ZNF597: variants seen among roughly 807,000 people sequenced by gnomAD.
ZNF597 encodes the protein zinc finger protein 597.
A neutral mutation model predicts 7.3 loss-of-function variants in ZNF597; 5 were observed. The ratio of observed to expected loss-of-function variants is 0.68; its 90% CI spans 0.36 to 1.44. ZNF597 has a LOEUF of 1.44. ZNF597 is among the 40% of genes most tolerant of loss of function. ZNF597 has a pLI of 0.04. For synonymous variants in ZNF597, 209 were observed against 185.4 expected (o/e 1.13, Z -1.04); for missense variants, 585 against 517.9 (o/e 1.13, Z -1.26).
chr16:3,440,515 T>C (rs1488045985), intron 3 of ZNF597, among the ~76,000 whole-genome samples: 1 of 151,996 alleles, frequency 6.6e-6, no homozygotes, highest in African/African-American at 2.4e-5. Context: ...GCGGCTGTAG[T>C]CCCAGCTACT....
rs1171444362 is a variant in ZNF597 at position 3,435,620 on chromosome 16, C to T, written c.*804G>A. On this transcript the variant is annotated 3_prime_UTR_variant, in exon 4 of 4. Coordinates refer to ENST00000301744, the MANE Select transcript of ZNF597 (RefSeq NM_152457.3). ...AAATTACATAATATATCTAAAGTAG[C>T]TAGCATGCTCACTGAGAAACAATTA... The T allele has an allele frequency of 1.3e-5, 2 of 152,154 alleles. No individual in the cohort carries two copies. Among genetic ancestry groups the T allele is most frequent in the Non-Finnish European group, 2.9e-5 (2 of 68,044 alleles). The allele number at this position is 152,154 out of a possible 1,614,324, so 9.4% of individuals were successfully genotyped here.
chr16:3,436,440 ATG>A lies in ZNF597; in HGVS notation c.1257_1258del (p.Ile420LysfsTer7), dbSNP rs776028690. The A allele has an allele frequency of 6.2e-7, 1 of 1,612,376 alleles. No homozygotes were observed. The highest frequency in any genetic ancestry group is 8.5e-7 in the Non-Finnish European group (1 of 1,178,976). On this transcript the variant is annotated frameshift_variant, in exon 4 of 4. Coordinates refer to ENST00000301744, the MANE Select transcript of ZNF597 (RefSeq NM_152457.3). LOFTEE classifies it high-confidence loss of function. ...ATATTTACTTTACGTGGTGTTTTTT[ATG>A]TGAGTTCGCTTATGAGTAATGAGAT... is the stretch of plus-strand genomic sequence containing the variant.
intron 2 of ZNF597, 89 bp downstream of exon 2, chr16:3,443,032 C>A (rs1029472779): frequency 1.3e-6 from 2 of 1,526,292 alleles, no homozygotes; most frequent in African/African-American, 2.7e-5. Flanking sequence ...CCTACCACAA[C>A]AGGCATGCCC....
chr16:3,441,048 T>C (rs2034363028), intron 2 of ZNF597, 115 bp from the exon 3 acceptor site: 4 of 1,449,740 alleles, frequency 2.8e-6, no homozygotes, highest in Non-Finnish European at 3.7e-6. Flanking sequence ...AGGCTCGGTG[T>C]AAAAGGTTCT....
intron 2 of ZNF597, among the ~76,000 whole-genome samples, chr16:3,441,894 C>T (rs1265727560): frequency 1.3e-5 from 2 of 149,352 alleles, no homozygotes; most frequent in African/African-American, 5.0e-5. Flanking sequence ...CCAGGAGAAT[C>T]GTTTGAATCC....
Position 3,436,344 on chromosome 16 carries a change from CT to C in ZNF597, c.*79del. 7.3e-7 allele frequency: 1 copy of C among 1,365,410 alleles called. No individual in the cohort carries two copies. Among genetic ancestry groups the C allele is most frequent in the Non-Finnish European group, 1.0e-6 (1 of 997,460 alleles). 84.6% of individuals were successfully genotyped at this position (1,365,410 alleles called of 1,614,324 possible). A position where few individuals can be genotyped will look rare whatever the true frequency, so the allele number is the denominator to read the frequency against. ...GTGTGTAAAGTGCTTAGCACATTGC[CT>C]GGGACATATACAGTAACTGCTTCCC... On this transcript the variant is annotated 3_prime_UTR_variant, in exon 4 of 4. Coordinates refer to ENST00000301744, the MANE Select transcript of ZNF597 (RefSeq NM_152457.3).
chr16:3,435,894 G>T lies in ZNF597; in HGVS notation c.*530C>A, dbSNP rs1357380008. On this transcript the variant is annotated 3_prime_UTR_variant, in exon 4 of 4. Coordinates refer to ENST00000301744, the MANE Select transcript of ZNF597 (RefSeq NM_152457.3). ...AATATAAACTAGTCTACCCATTTGG[G>T]AACTTTTACAGGGCAGAAAAAAACT... The T allele has an allele frequency of 6.5e-6, 1 of 153,472 alleles. No individual in the cohort carries two copies. The highest frequency in any genetic ancestry group is 2.4e-5 in the African/African-American group (1 of 41,430). 9.5% of individuals were successfully genotyped at this position (153,472 alleles called of 1,614,324 possible). A position where few individuals can be genotyped will look rare whatever the true frequency, so the allele number is the denominator to read the frequency against.
chr16:3,440,795 C>T lies in ZNF597; in HGVS notation c.160+12G>A. The T allele has an allele frequency of 6.2e-7, 1 of 1,612,272 alleles. No homozygotes were observed. Among genetic ancestry groups the T allele is most frequent in the Non-Finnish European group, 8.5e-7 (1 of 1,179,316 alleles). ...ACAAAAGTTCCAGATGCAGGAAAAACAATTGCCTTACCCATCAAAGCCGCA... is the reference window on the plus strand; with the variant it reads ...ACAAAAGTTCCAGATGCAGGAAAAATAATTGCCTTACCCATCAAAGCCGCA... On this transcript the variant is annotated intron_variant, in intron 3 of 3. Transcript: ENST00000301744.
chr16:3,439,796 A>G (rs1165082304), intron 3 of ZNF597, among the ~76,000 whole-genome samples: 1 of 152,208 alleles, frequency 6.6e-6, no homozygotes, highest in Non-Finnish European at 1.5e-5. Flanking sequence ...AAGAAAATAT[A>G]GAAAATATAA....
Position 3,440,850 on chromosome 16 carries a change from G to C in ZNF597, c.117C>G (p.Ser39Arg). ...VTLHPAQRSL[S>R]KDGTKESLED... ...CCAAAGACTCTTTTGTACCATCTTT[G>C]CTGAGGGACCTCTGGGCAGGGTGCA... Residue 39 changes from serine (S) to arginine (R), a missense_variant, in exon 3 of 4, where the codon AGC becomes AGG. Coordinates refer to ENST00000301744, the MANE Select transcript of ZNF597 (RefSeq NM_152457.3). 3 of 1,613,968 alleles carry C rather than the reference G, an allele frequency of 1.9e-6. No individual in the cohort carries two copies. The highest frequency in any genetic ancestry group is 2.7e-5 in the African/African-American group (2 of 75,014).
chr16:3,439,923 G>A (rs772613463), intron 3 of ZNF597, among the ~76,000 whole-genome samples: 6 of 152,026 alleles, frequency 3.9e-5, no homozygotes, highest in Admixed American at 6.5e-5. Flanking sequence ...ATACATTTAC[G>A]CAGACAGAAG....
Position 3,435,322 on chromosome 16 carries a change from C to G in ZNF597, c.*1102G>C, listed in dbSNP as rs1437771573. The G allele has an allele frequency of 3.9e-5, 6 of 152,206 alleles. No individual in the cohort carries two copies. The highest frequency in any genetic ancestry group is 7.3e-5 in the Non-Finnish European group (5 of 68,056). 9.4% of individuals were successfully genotyped at this position (152,206 alleles called of 1,614,324 possible). ...GAATGAAGGGGTTCCAGGATGCAAG[C>G]ACACAGAATCGCCTCCATGAGGACC... On this transcript the variant is annotated 3_prime_UTR_variant, in exon 4 of 4. Coordinates refer to ENST00000301744, the MANE Select transcript of ZNF597 (RefSeq NM_152457.3).
Position 3,437,549 on chromosome 16 carries a change from A to G in ZNF597, c.161-11T>C. On this transcript the variant is annotated splice_polypyrimidine_tract_variant and intron_variant, in intron 3 of 3. Transcript: ENST00000301744. ...GCTTGCCTTCCTCTCCTGTTGATAAAAACAAAAGAAAGCAAAACATAGACA... is the reference window on the plus strand; with the variant it reads ...GCTTGCCTTCCTCTCCTGTTGATAAGAACAAAAGAAAGCAAAACATAGACA... 1.9e-6 allele frequency: 3 copies of G among 1,573,792 alleles called. No homozygotes were observed. The highest frequency in any genetic ancestry group is 2.6e-6 in the Non-Finnish European group (3 of 1,164,812).
At position 3,435,387 on chromosome 16, in the gene ZNF597, CAGTG is replaced by C. The variant is rs1280129030; in HGVS notation, c.*1033_*1036del. 1 of 152,266 alleles carries C rather than the reference CAGTG, an allele frequency of 6.6e-6. No homozygotes were observed. The highest frequency in any genetic ancestry group is 1.5e-5 in the Non-Finnish European group (1 of 68,110). 9.4% of individuals were successfully genotyped at this position (152,266 alleles called of 1,614,324 possible). On this transcript the variant is annotated 3_prime_UTR_variant, in exon 4 of 4. Transcript: ENST00000301744. Reference sequence around the variant, plus strand: ...CAGCTCCCCTTTCCCTGGCTGCCTGCAGTGCTACTACGTGGTGCAAATGCCAACA... The same window carrying C: ...CAGCTCCCCTTTCCCTGGCTGCCTGCCTACTACGTGGTGCAAATGCCAACA...
chr16:3,437,443 G>C lies in ZNF597; in HGVS notation c.256C>G (p.Leu86Val). 1 of 1,614,186 alleles carries C rather than the reference G, an allele frequency of 6.2e-7. No homozygotes were observed. Among genetic ancestry groups the C allele is most frequent in the Non-Finnish European group, 8.5e-7 (1 of 1,180,032 alleles). ...GAGGATTTTTCTGGGTAAGGGACAA[G>C]GGGTGCAGCAATGGGGTACTTTTCT... ...ALEKYPIAAP[L>V]VPYPEKSSED... Residue 86 changes from leucine to valine, a missense_variant, in exon 4 of 4, where the codon CTT becomes GTT. Leu to Val is a conservative substitution (Grantham distance 32). Transcript: ENST00000301744.
intron 2 of ZNF597, among the ~76,000 whole-genome samples, chr16:3,442,875 G>A (rs563439305): frequency 1.3e-5 from 2 of 152,208 alleles, no homozygotes; most frequent in East Asian, 1.9e-4. Flanking sequence ...AAACAGATAA[G>A]ACATTGAGAA....
chr16:3,436,741 C>T lies in ZNF597; in HGVS notation c.958G>A (p.Glu320Lys), dbSNP rs139762058. ...TCATCGCTGCAGCGTTCAGAGTCCTCGTCGTGGCTCTTCTCGGAAAGGGCA... is the reference window on the plus strand; with the variant it reads ...TCATCGCTGCAGCGTTCAGAGTCCTTGTCGTGGCTCTTCTCGGAAAGGGCA... ...YPALSEKSHDEDSERCSDDGD... is the reference protein window; with the variant it reads ...YPALSEKSHDKDSERCSDDGD... Residue 320 changes from glutamate (E) to lysine (K), a missense_variant, in exon 4 of 4, where the codon GAG becomes AAG. Coordinates refer to ENST00000301744, the MANE Select transcript of ZNF597 (RefSeq NM_152457.3). The T allele has an allele frequency of 5.3e-5, 86 of 1,613,846 alleles. No individual in the cohort carries two copies. In the African/African-American group the frequency reaches 5.9e-4, roughly 11 times the overall value.
Position 3,443,210 on chromosome 16 carries a change from C to A in ZNF597, c.-53-4G>T. On this transcript the variant is annotated splice_polypyrimidine_tract_variant and splice_region_variant and intron_variant, in intron 1 of 3. Transcript: ENST00000301744. ...CCACAGGGACTTCGTGACAAAGCTG[C>A]GGGGGGAGAGAACAGTTCTTAAAGG... 6.4e-7 allele frequency: 1 copy of A among 1,569,400 alleles called. No homozygotes were observed.
chr16:3,443,198 G>A lies in ZNF597; in HGVS notation c.-45C>T. ...TTCTTCAAGACGCCACAGGGACTTC[G>A]TGACAAAGCTGCGGGGGGAGAGAAC... is the stretch of plus-strand genomic sequence containing the variant. On this transcript the variant is annotated 5_prime_UTR_variant, in exon 2 of 4. The change creates a new upstream start codon in the 5' untranslated region. Coordinates refer to ENST00000301744, the MANE Select transcript of ZNF597 (RefSeq NM_152457.3). The A allele has an allele frequency of 6.3e-7, 1 of 1,596,268 alleles. No individual in the cohort carries two copies. The highest frequency in any genetic ancestry group is 8.6e-7 in the Non-Finnish European group (1 of 1,169,482).
Sources: gnomAD v4.1 joint callset for allele counts (sites outside exome capture counted in the v4.1 genomes callset) on GRCh38, gnomAD v4.1.1 for gene constraint, MANE v1.5 for transcripts, NCBI Gene and HGNC (gene_info 2026-07-23, HGNC 2026-07-21) for gene names.